Variants in APOH observed in about 807,000 individuals in gnomAD.
APOH encodes the protein beta-2-glycoprotein 1.
In APOH, 48 loss-of-function variants were observed where a neutral mutation model predicts 39.8. That is an observed-to-expected ratio of 1.21 (90% confidence interval 0.96 to 1.54). The LOEUF (loss-of-function observed/expected upper bound fraction) is 1.54. APOH is among the 40% of genes most tolerant of loss of function. The probability of loss-of-function intolerance (pLI) is 0.00; values close to 1 mark genes in which losing one functional copy is unlikely to be tolerated. For synonymous variants in APOH, 153 were observed against 151.1 expected (o/e 1.01, Z -0.09); for missense variants, 415 against 421.2 (o/e 0.99, Z 0.13).
chr17:66,219,647 A>G (rs977657314), intron 5 of APOH, among the ~76,000 whole-genome samples: 3 of 152,206 alleles, frequency 2.0e-5, no homozygotes, highest in African/African-American at 7.2e-5. Context: ...GGCCAGGAGC[A>G]GTGGCTTACA....
chr17:66,224,894 C>T (rs1177640069), intron 3 of APOH, among the ~76,000 whole-genome samples: 1 of 151,688 alleles, frequency 6.6e-6, no homozygotes, highest in African/African-American at 2.4e-5. Context: ...TGGTGAAACC[C>T]CATCTCTACT....
At chr17:66,218,252 C>G (rs759688434) in intron 5 of APOH, among the ~76,000 whole-genome samples, 4 of 152,132 alleles carry the variant, frequency 2.6e-5, no homozygotes, top group Non-Finnish European at 5.9e-5. Context: ...GACTAAGTAT[C>G]AAACTAAGCA....
intron 3 of APOH, among the ~76,000 whole-genome samples, chr17:66,225,619 T>C (rs1218886335): frequency 6.6e-6 from 1 of 152,200 alleles, no homozygotes; most frequent in Non-Finnish European, 1.5e-5. Context: ...CAGTGGTGAC[T>C]ACGTATTGCA....
At chr17:66,227,266 C>T (rs1464705424) in intron 2 of APOH, among the ~76,000 whole-genome samples, 1 of 152,138 alleles carries the variant, frequency 6.6e-6, no homozygotes, top group Non-Finnish European at 1.5e-5. Flanking sequence ...AGCAAAAAAG[C>T]ATAGTAAAAT....
rs796258130 is a variant in APOH, at chr17:66,223,791, C to G, written c.339-17G>C. On this transcript the variant is annotated splice_polypyrimidine_tract_variant and intron_variant, in intron 3 of 7. Coordinates refer to ENST00000205948, the MANE Select transcript of APOH (RefSeq NM_000042.3). Reference sequence around the variant, plus strand: ...AGATAAAACCTGCAAAAGGAAAATTCATTCTATCAAGGAGTAAAATAATCC... The same window carrying G: ...AGATAAAACCTGCAAAAGGAAAATTGATTCTATCAAGGAGTAAAATAATCC... 2 of 1,610,932 alleles carry G rather than the reference C, an allele frequency of 1.2e-6. No homozygotes were observed. The highest frequency in any genetic ancestry group is 2.7e-5 in the African/African-American group (2 of 75,000).
At chr17:66,226,895 A>ATTTT (rs748060781) in intron 2 of APOH, among the ~76,000 whole-genome samples, 2,016 of 108,016 alleles carry the variant, frequency 0.019, 52 homozygotes, top group African/African-American at 0.078. Flanking sequence ...TTATTTATTT[A>ATTTT]TTTTTTTTTT....
In APOH at chr17:66,224,325, G is replaced by A. The variant is rs111257601; in HGVS notation, c.339-551C>T. ...AATTTCTACAAAAAGTCACCAGGCC[G>A]TGGTAGTGTGTGCCTATAGTCCAAG... On this transcript the variant is annotated intron_variant, in intron 3 of 7. Transcript: ENST00000205948. Among the ~76,000 whole-genome samples the A allele has an allele frequency of 7.2e-4, 109 of 151,868 alleles. 1 individual carries two copies. The highest frequency in any genetic ancestry group is 2.2e-3 in the African/African-American group (90 of 41,404).
intron 4 of APOH, among the ~76,000 whole-genome samples, chr17:66,222,972 G>T (rs1028968810): frequency 3.9e-5 from 6 of 152,180 alleles, no homozygotes; most frequent in African/African-American, 1.4e-4. Flanking sequence ...TAAATCACAA[G>T]TTGGGGAACA....
Position 66,229,398 on chromosome 17 carries a change from G to C in APOH, c.-19C>G. 1 of 1,611,442 alleles carries C rather than the reference G, an allele frequency of 6.2e-7. No individual in the cohort carries two copies. On this transcript the variant is annotated 5_prime_UTR_variant, in exon 1 of 8. Coordinates refer to ENST00000205948, the MANE Select transcript of APOH (RefSeq NM_000042.3). ...AAATCATTGTGGATGAGTCACACTGGCACTACCAAAGTGGTTTTCGTCTGC... is the reference window on the plus strand; with the variant it reads ...AAATCATTGTGGATGAGTCACACTGCCACTACCAAAGTGGTTTTCGTCTGC...
At chr17:66,215,555 C>T (rs950253101) in intron 6 of APOH, among the ~76,000 whole-genome samples, 1 of 152,228 alleles carries the variant, frequency 6.6e-6, no homozygotes, top group Non-Finnish European at 1.5e-5. Context: ...TTCTAGGGAA[C>T]TGTAACCTAA....
rs1454693535 is a variant in APOH at position 66,220,565 on chromosome 17, G to A, written c.593C>T (p.Pro198Leu). The change falls in exon 5 of 8, where the codon CCA becomes CTA. Residue 198 changes from proline (P) to leucine (L), a missense_variant. This residue lies in a region of APOH where 288 missense variants were observed against 284.9 expected (regional missense o/e 1.01). Transcript: ENST00000205948. Reference protein sequence around the residue: ...CTTHGNWTKLPECREVKCPFP... With the variant: ...CTTHGNWTKLLECREVKCPFP... ...ATCATTGCACTTACCCCTGCATTCT[G>A]GTAATTTAGTCCAATTTCCATGTGT... is the stretch of plus-strand genomic sequence containing the variant. 3 of 1,613,908 alleles carry A rather than the reference G, an allele frequency of 1.9e-6. No individual in the cohort carries two copies. The South Asian group carries it at 3.3e-5, about 18-fold the overall frequency.
At position 66,228,275 on chromosome 17, in the gene APOH, T is replaced by C. The variant is rs987589345; in HGVS notation, c.65-79A>G. 13 of 1,466,600 alleles carry C rather than the reference T, an allele frequency of 8.9e-6. No individual in the cohort carries two copies. In the East Asian group the frequency reaches 2.0e-4, roughly 23 times the overall value. The allele number at this position is 1,466,600 out of a possible 1,614,324, so 90.8% of individuals were successfully genotyped here. A position where few individuals can be genotyped will look rare whatever the true frequency, so the allele number is the denominator to read the frequency against. ...TTCAGCTAAGCCCACAAATGAAAAATGTGTGTACTGTTACCAATTATAAGC... is the reference window on the plus strand; with the variant it reads ...TTCAGCTAAGCCCACAAATGAAAAACGTGTGTACTGTTACCAATTATAAGC... On this transcript the variant is annotated intron_variant, in intron 1 of 7. Transcript: ENST00000205948.
In APOH at chr17:66,220,696, A is replaced by G. The variant is rs1421670628; in HGVS notation, c.462T>C (p.Arg154=). ...TGTTTCCAGCTGATGGCTTATAAACACGAAGTGTTGCAAACGTAGGTATGG... is the reference window on the plus strand; with the variant it reads ...TGTTTCCAGCTGATGGCTTATAAACGCGAAGTGTTGCAAACGTAGGTATGG... ...PPSIPTFATL[R]VYKPSAGNNS... The change falls in exon 5 of 8, where the codon CGT becomes CGC. Residue 154 remains arginine (R), a synonymous_variant. Transcript: ENST00000205948. 6.2e-7 allele frequency: 1 copy of G among 1,614,152 alleles called. No individual in the cohort carries two copies. The highest frequency in any genetic ancestry group is 1.1e-5 in the South Asian group (1 of 91,080).
chr17:66,221,291 AAGTC>A (rs1722632393), intron 4 of APOH, among the ~76,000 whole-genome samples: 1 of 133,912 alleles, frequency 7.5e-6, no homozygotes, highest in African/African-American at 2.9e-5. Context: ...GGAAGGAAGG[AAGTC>A]AGAAGGGAGG....
intron 4 of APOH, among the ~76,000 whole-genome samples, chr17:66,223,429 T>C (rs771013088): frequency 9.2e-5 from 14 of 152,054 alleles, no homozygotes; most frequent in Non-Finnish European, 1.9e-4. Flanking sequence ...AGCATTGGAG[T>C]CAACACACCC....
intron 4 of APOH, among the ~76,000 whole-genome samples, chr17:66,221,428 G>GAAGGAAGA (rs2073402404): frequency 6.6e-6 from 1 of 150,766 alleles, no homozygotes; most frequent in Non-Finnish European, 1.5e-5. Flanking sequence ...AGGAAGGAAG[G>GAAGGAAGA]AAGCCCTCAA....
At chr17:66,214,869 C>T (rs928718318) in intron 6 of APOH, among the ~76,000 whole-genome samples, 3 of 151,796 alleles carry the variant, frequency 2.0e-5, no homozygotes, top group African/African-American at 7.3e-5. Flanking sequence ...CCTTCTCTTC[C>T]CCTACAGTAG....
chr17:66,214,453 C>A lies in APOH; in HGVS notation c.982G>T (p.Glu328Ter). Residue 328 changes from glutamate (E) to a stop codon, truncating the protein, a stop_gained and splice_region_variant, in exon 7 of 8, where the codon GAA becomes TAA. Coordinates refer to ENST00000205948, the MANE Select transcript of APOH (RefSeq NM_000042.3). LOFTEE classifies it high-confidence loss of function. ...GCTAAACGTTCCAATGCAGACTTACCCTTGAAGCATTTGGGGACTTCGATA... is the reference window on the plus strand; with the variant it reads ...GCTAAACGTTCCAATGCAGACTTACACTTGAAGCATTTGGGGACTTCGATA... ...GTIEVPKCFK[E>*]HSSLAFWKTD... 6.2e-7 allele frequency: 1 copy of A among 1,613,382 alleles called. No homozygotes were observed. Among genetic ancestry groups the A allele is most frequent in the Non-Finnish European group, 8.5e-7 (1 of 1,179,534 alleles).
chr17:66,212,706 T>G (rs533224916), intron 7 of APOH, among the ~76,000 whole-genome samples: 1 of 152,218 alleles, frequency 6.6e-6, no homozygotes, highest in East Asian at 1.9e-4. Context: ...GAGATAAAAT[T>G]AAAGGTTCTA....
Sources: allele counts gnomAD v4.1 joint callset (sites outside exome capture counted in the v4.1 genomes callset), GRCh38; gene constraint gnomAD v4.1.1; regional missense constraint gnomAD v4.1.1; transcripts MANE v1.5; gene names NCBI Gene and HGNC (gene_info 2026-07-23, HGNC 2026-07-21).